Variants in PIEZO2 observed in about 807,000 individuals in gnomAD.
PIEZO2 encodes piezo type mechanosensitive ion channel component 2, also known as piezo-type mechanosensitive ion channel component 2.
A neutral mutation model predicts 337.3 loss-of-function variants in PIEZO2; 172 were observed. That is an observed-to-expected ratio of 0.51 (90% CI 0.45 to 0.58). The LOEUF is 0.58. PIEZO2 is among the 20% of genes least tolerant of loss of function. The pLI is 0.00. For missense variants in PIEZO2, 3,028 were observed against 3,391.3 expected, an observed-to-expected ratio of 0.89 and a Z score of 2.66; for synonymous variants, 1,251 against 1,228.5, an observed-to-expected ratio of 1.02 and a Z score of -0.38.
At chr18:10,747,548 G>A (rs2037472886) in intron 30 of PIEZO2, among the ~76,000 whole-genome samples, 1 of 152,228 alleles carries the variant, frequency 6.6e-6, no homozygotes, top group South Asian at 2.1e-4. Flanking sequence ...TTCCGGAGCA[G>A]TGCGGTACAT....
chr18:10,810,242 T>C (rs2040147289), intron 7 of PIEZO2, among the ~76,000 whole-genome samples: 2 of 152,122 alleles, frequency 1.3e-5, no homozygotes, highest in African/African-American at 4.8e-5. Flanking sequence ...CAGATTCTAT[T>C]TCCCAAAAGA....
At chr18:10,868,524 G>A (rs141706159) in intron 5 of PIEZO2, among the ~76,000 whole-genome samples, 4 of 152,166 alleles carry the variant, frequency 2.6e-5, no homozygotes, top group African/African-American at 9.6e-5. Context: ...AATCAATGAT[G>A]TAAAATAGCC....
intron 36 of PIEZO2, among the ~76,000 whole-genome samples, chr18:10,730,872 G>A (rs1331661424): frequency 6.6e-6 from 1 of 151,996 alleles, no homozygotes; most frequent in African/African-American, 2.4e-5. Context: ...GACTACAGGC[G>A]TCCGCTACCA....
rs1267727541 is a variant in PIEZO2 at position 10,775,339 on chromosome 18, A to G, written c.2535-1301T>C. Among the ~76,000 whole-genome samples, 4 of 152,176 alleles carry G rather than the reference A, an allele frequency of 2.6e-5. No individual in the cohort carries two copies. Among genetic ancestry groups the G allele is most frequent in the Admixed American group, 1.3e-4 (2 of 15,290 alleles). ...TGTTCCTGCTTTGTCAGGACTCTCCATGTGAAATGTTATTAAATGTGGAAG... is the reference window on the plus strand; with the variant it reads ...TGTTCCTGCTTTGTCAGGACTCTCCGTGTGAAATGTTATTAAATGTGGAAG... On this transcript the variant is annotated intron_variant, in intron 18 of 55. Coordinates refer to ENST00000674853, the MANE Select transcript of PIEZO2 (RefSeq NM_001378183.1). This position sits in a 1 kb window ranked among gnomAD's most constrained non-coding sequence, Gnocchi z 4.3.
At chr18:10,890,868 T>C (rs1178700094) in intron 4 of PIEZO2, among the ~76,000 whole-genome samples, 1 of 152,226 alleles carries the variant, frequency 6.6e-6, no homozygotes, top group Non-Finnish European at 1.5e-5. Context: ...TCATGAATAA[T>C]TAGCATATTA....
chr18:11,036,563 T>A (rs1175616060), intron 2 of PIEZO2, among the ~76,000 whole-genome samples: 1 of 151,826 alleles, frequency 6.6e-6, no homozygotes, highest in Non-Finnish European at 1.5e-5. Flanking sequence ...TAAAATAAGA[T>A]ATAAATAAAG....
chr18:10,799,860 C>A (rs1325534826), intron 11 of PIEZO2, among the ~76,000 whole-genome samples: 1 of 151,510 alleles, frequency 6.6e-6, no homozygotes, highest in Non-Finnish European at 1.5e-5. Context: ...GTAGTCCCAA[C>A]TACTAGGGAG....
chr18:11,006,355 A>G (rs186235065), intron 2 of PIEZO2, among the ~76,000 whole-genome samples: 1 of 152,342 alleles, frequency 6.6e-6, no homozygotes, highest in East Asian at 1.9e-4. Flanking sequence ...AACTGAACGA[A>G]TGAATGAAAT....
At chr18:10,912,125 A>G (rs1248048746) in intron 3 of PIEZO2, among the ~76,000 whole-genome samples, 1 of 152,128 alleles carries the variant, frequency 6.6e-6, no homozygotes, top group East Asian at 1.9e-4. Context: ...GATATCAAGA[A>G]CAGTATATCC....
rs746012397 is a variant in PIEZO2, at chr18:10,680,249, G to A, written c.7902C>T (p.Leu2634=). The A allele has an allele frequency of 1.2e-6, 2 of 1,613,878 alleles. No homozygotes were observed. Among genetic ancestry groups the A allele is most frequent in the Non-Finnish European group, 1.7e-6 (2 of 1,179,908 alleles). The change falls in exon 52 of 56, where the codon CTC becomes CTT. Residue 2634 remains leucine (L), a synonymous_variant. Coordinates refer to ENST00000674853, the MANE Select transcript of PIEZO2 (RefSeq NM_001378183.1). ...CAGAGAAGCTACTATTGGGGTCCAG[G>A]AGTTCGTGTATCATTTTCTGCTTAC... The part of the protein sequence containing the change: ...PPSKQKMIHE[L]LDPNSSFSVV...
At chr18:10,714,407 A>G (rs746312608) in intron 39 of PIEZO2, among the ~76,000 whole-genome samples, 3 of 152,242 alleles carry the variant, frequency 2.0e-5, no homozygotes, top group Admixed American at 6.5e-5. Flanking sequence ...ACCCTAATGT[A>G]GAAGACACTG....
chr18:10,927,824 G>T (rs1486346745), intron 3 of PIEZO2, among the ~76,000 whole-genome samples: 1 of 151,836 alleles, frequency 6.6e-6, no homozygotes, highest in African/African-American at 2.4e-5. Flanking sequence ...GCTTTTCTGG[G>T]GTTGATAACT....
chr18:11,124,612 C>G (rs1365820450), intron 1 of PIEZO2, among the ~76,000 whole-genome samples: 1 of 152,154 alleles, frequency 6.6e-6, no homozygotes, highest in Non-Finnish European at 1.5e-5. Flanking sequence ...CCCACCACCA[C>G]CTGCCCCTCT....
At position 10,741,225 on chromosome 18, in the gene PIEZO2, A is replaced by G. The variant is rs958594970; in HGVS notation, c.4637-123T>C. ...TGCAAAAGTATATCAGAGGTCAGGT[A>G]AAGGAACTATACTGAATCTGAAAAA... is the stretch of plus-strand genomic sequence containing the variant. On this transcript the variant is annotated intron_variant, in intron 32 of 55. Coordinates refer to ENST00000674853, the MANE Select transcript of PIEZO2 (RefSeq NM_001378183.1). 8 of 779,096 alleles carry G rather than the reference A, an allele frequency of 1.0e-5. No individual in the cohort carries two copies. The African/African-American group carries it at 1.4e-4, about 14-fold the overall frequency. The allele number at this position is 779,096 out of a possible 1,614,324, so 48.3% of individuals were successfully genotyped here. A position where few individuals can be genotyped will look rare whatever the true frequency, so the allele number is the denominator to read the frequency against.
chr18:10,923,860 C>T (rs1221938446), intron 3 of PIEZO2, among the ~76,000 whole-genome samples: 1 of 152,176 alleles, frequency 6.6e-6, no homozygotes, highest in Non-Finnish European at 1.5e-5. Context: ...TGCCATGGGT[C>T]AGATATCATA....
intron 42 of PIEZO2, among the ~76,000 whole-genome samples, chr18:10,703,530 C>T (rs2035429140): frequency 6.6e-6 from 1 of 152,158 alleles, no homozygotes; most frequent in African/African-American, 2.4e-5. Flanking sequence ...TTTGGGTGTG[C>T]ATCTAGCATG....
chr18:10,671,812 G>A, intron 55 of PIEZO2, 33 bp from the exon 56 acceptor site: 1 of 1,554,946 alleles, frequency 6.4e-7, no homozygotes, highest in Non-Finnish European at 8.7e-7. Flanking sequence ...ATTGCATACA[G>A]CAGTTAAATA....
Position 11,132,557 on chromosome 18 carries a change from G to C in PIEZO2, c.64+15968C>G, listed in dbSNP as rs1440876526. Among the ~76,000 whole-genome samples the C allele has an allele frequency of 6.6e-6, 1 of 152,184 alleles. No homozygotes were observed. Among genetic ancestry groups the C allele is most frequent in the Non-Finnish European group, 1.5e-5 (1 of 68,028 alleles). Reference sequence around the variant, plus strand: ...TATGTCCGGGAATCAGAAGGTAGAAGTAGAAGTGGCACCACTCACAATCAT... The same window carrying C: ...TATGTCCGGGAATCAGAAGGTAGAACTAGAAGTGGCACCACTCACAATCAT... On this transcript the variant is annotated intron_variant, in intron 1 of 55. Coordinates refer to ENST00000674853, the MANE Select transcript of PIEZO2 (RefSeq NM_001378183.1). The surrounding 1 kb of genome is among the most constrained non-coding windows in gnomAD (Gnocchi z 4.7).
intron 3 of PIEZO2, among the ~76,000 whole-genome samples, chr18:10,976,963 T>A (rs1198738291): frequency 6.6e-6 from 1 of 151,278 alleles, no homozygotes; most frequent in Non-Finnish European, 1.5e-5. Flanking sequence ...GTATTGTGAC[T>A]TTTTGCCTGG....
Sources: gnomAD v4.1 joint callset for allele counts (sites outside exome capture counted in the v4.1 genomes callset) on GRCh38, gnomAD v4.1.1 for gene constraint, Gnocchi (gnomAD v3.1) non-coding constraint, MANE v1.5 for transcripts, NCBI Gene and HGNC (gene_info 2026-07-23, HGNC 2026-07-21) for gene names.